Variants in MSRB3 observed in about 807,000 individuals in gnomAD.
MSRB3 encodes methionine sulfoxide reductase B3, also known as methionine-R-sulfoxide reductase B3.
MSRB3 carries 13 observed loss-of-function variants against 21.0 expected under a neutral mutation model. The ratio of observed to expected loss-of-function variants is 0.62; its 90% confidence interval spans 0.40 to 0.98. The LOEUF is 0.98. Among genes scored for constraint, MSRB3 ranks in the 50% least tolerant of loss-of-function variants. MSRB3 has a pLI of 0.00. For synonymous variants in MSRB3, 87 were observed against 88.6 expected, an observed-to-expected ratio of 0.98 and a Z score of 0.10; for missense variants, 199 against 230.3, an observed-to-expected ratio of 0.86 and a Z score of 0.88.
chr12:65,419,953 T>G (rs559767830), intron 5 of MSRB3: 6 of 570,658 alleles, frequency 1.1e-5, no homozygotes, highest in Non-Finnish European at 1.4e-5. Flanking sequence ...GTGCCATAGC[T>G]GGGCACCTGG....
chr12:65,429,046 T>C (rs1881752520), intron 5 of MSRB3, among the ~76,000 whole-genome samples: 1 of 152,112 alleles, frequency 6.6e-6, no homozygotes, highest in African/African-American at 2.4e-5. Context: ...TGGCCTCTAG[T>C]ATAGTTTTAA....
chr12:65,285,848 C>A (rs914698124), intron 1 of MSRB3: 27 of 152,140 alleles, frequency 1.8e-4, no homozygotes, highest in African/African-American at 6.0e-4. Flanking sequence ...CCCAAAAAAC[C>A]AGGAAGTGTT....
chr12:65,398,384 G>A (rs1006137128), intron 5 of MSRB3, among the ~76,000 whole-genome samples: 9 of 152,098 alleles, frequency 5.9e-5, no homozygotes, highest in Non-Finnish European at 8.8e-5. Flanking sequence ...TTTTTCATAT[G>A]TTTGTTGGCC....
At chr12:65,462,831 A>G (rs1883389875) in intron 6 of MSRB3, among the ~76,000 whole-genome samples, 1 of 152,240 alleles carries the variant, frequency 6.6e-6, no homozygotes, top group Non-Finnish European at 1.5e-5. Flanking sequence ...CATGTTTCTT[A>G]CAAGGGAAGA....
chr12:65,393,621 A>G (rs1239954817), intron 5 of MSRB3, among the ~76,000 whole-genome samples: 3 of 112,808 alleles, frequency 2.7e-5, no homozygotes, highest in Non-Finnish European at 5.1e-5. Flanking sequence ...GTAGAGCGAG[A>G]CTCCGTCGCA....
At chr12:65,307,952 AT>A (rs1783266515) in intron 1 of MSRB3, among the ~76,000 whole-genome samples, 1 of 152,144 alleles carries the variant, frequency 6.6e-6, no homozygotes, top group South Asian at 2.1e-4. Context: ...GTGTCTCTTA[AT>A]CTTATTATTT....
At chr12:65,332,446 G>A (rs974025863) in intron 4 of MSRB3, among the ~76,000 whole-genome samples, 13 of 152,018 alleles carry the variant, frequency 8.6e-5, no homozygotes, top group Non-Finnish European at 1.6e-4. Flanking sequence ...AATAAGAAGA[G>A]TGCTGAATTT....
intron 4 of MSRB3, among the ~76,000 whole-genome samples, chr12:65,337,170 A>G (rs1014729281): frequency 6.6e-6 from 1 of 151,738 alleles, no homozygotes; most frequent in Admixed American, 6.6e-5. Context: ...GTGAACCCGG[A>G]AGGCGGAGCT....
intron 3 of MSRB3, among the ~76,000 whole-genome samples, chr12:65,327,792 T>C (rs1477609624): frequency 6.6e-6 from 1 of 152,210 alleles, no homozygotes; most frequent in African/African-American, 2.4e-5. Flanking sequence ...ATGTTGAATC[T>C]CTGACGAAGT....
chr12:65,431,875 T>C (rs1309297180), intron 5 of MSRB3, among the ~76,000 whole-genome samples: 1 of 152,084 alleles, frequency 6.6e-6, no homozygotes, highest in Non-Finnish European at 1.5e-5. Context: ...GAAGTCTAAG[T>C]CTGGATGTGC....
intron 5 of MSRB3, among the ~76,000 whole-genome samples, chr12:65,428,089 T>TCCC (rs1881693437): frequency 6.6e-6 from 1 of 152,152 alleles, no homozygotes; most frequent in Non-Finnish European, 1.5e-5. Context: ...GTGAGGTGTG[T>TCCC]GTAGCTGTGT....
intron 4 of MSRB3, among the ~76,000 whole-genome samples, chr12:65,339,704 A>C (rs1876015807): frequency 6.6e-6 from 1 of 152,208 alleles, no homozygotes; most frequent in Non-Finnish European, 1.5e-5. Flanking sequence ...TTTATTTTTA[A>C]TAATGGCTAT....
chr12:65,397,939 C>A (rs1489026820), intron 5 of MSRB3, among the ~76,000 whole-genome samples: 3 of 152,172 alleles, frequency 2.0e-5, no homozygotes, highest in South Asian at 2.1e-4. Context: ...GACATAAACT[C>A]ATCCTTTTTT....
At chr12:65,428,002 G>T (rs945330047) in intron 5 of MSRB3, among the ~76,000 whole-genome samples, 6 of 152,228 alleles carry the variant, frequency 3.9e-5, no homozygotes, top group African/African-American at 1.4e-4. Context: ...GGTGTCCAGA[G>T]TTGAGGCACT....
chr12:65,457,628 C>T (rs1224807546), intron 6 of MSRB3, among the ~76,000 whole-genome samples: 11 of 151,670 alleles, frequency 7.3e-5, no homozygotes, highest in African/African-American at 2.4e-4. Context: ...AGCTTTTGCA[C>T]AACAAAAGAA....
At chr12:65,351,097 A>G (rs1392814205) in intron 4 of MSRB3, among the ~76,000 whole-genome samples, 1 of 152,192 alleles carries the variant, frequency 6.6e-6, no homozygotes, top group Non-Finnish European at 1.5e-5. Context: ...AAGGACAGAA[A>G]TTATAACAAA....
At chr12:65,458,480 A>G (rs942937072) in intron 6 of MSRB3, among the ~76,000 whole-genome samples, 1 of 152,180 alleles carries the variant, frequency 6.6e-6, no homozygotes, top group Non-Finnish European at 1.5e-5. Flanking sequence ...CACTTTTTCT[A>G]GAAGTGTTGC....
chr12:65,319,625 ATTTATT>A (rs1874531827), intron 2 of MSRB3, among the ~76,000 whole-genome samples: 1 of 152,084 alleles, frequency 6.6e-6, no homozygotes, highest in East Asian at 1.9e-4. Context: ...ACACTACCTT[ATTTATT>A]TTTAACTTTC....
chr12:65,413,024 G>A (rs1487912199), intron 5 of MSRB3, among the ~76,000 whole-genome samples: 2 of 152,264 alleles, frequency 1.3e-5, no homozygotes, highest in African/African-American at 2.4e-5. Flanking sequence ...CCCTTGACAC[G>A]TGGGGATGAT....
Sources: gnomAD v4.1 joint callset for allele counts (sites outside exome capture counted in the v4.1 genomes callset) on GRCh38, gnomAD v4.1.1 for gene constraint, MANE v1.5 for transcripts, NCBI Gene and HGNC (gene_info 2026-07-23, HGNC 2026-07-21) for gene names.